Variants in RBMS3 observed in about 807,000 individuals in gnomAD.
The protein encoded by RBMS3 is RNA-binding motif, single-stranded-interacting protein 3.
In RBMS3, 27 loss-of-function variants were observed where a neutral mutation model predicts 66.8. That is an observed-to-expected ratio of 0.40 (90% CI 0.30 to 0.56). RBMS3 has a LOEUF of 0.56. Ranked by LOEUF, RBMS3 falls within the 20% of genes least tolerant of loss-of-function variation. RBMS3 has a pLI of 0.40. For missense variants in RBMS3, 513 were observed against 549.5 expected (o/e 0.93, Z 0.66); for synonymous variants, 188 against 183.0 (o/e 1.03, Z -0.22).
At chr3:29,784,898 G>C (rs2149416331) in intron 6 of RBMS3, among the ~76,000 whole-genome samples, 1 of 152,036 alleles carries the variant, frequency 6.6e-6, no homozygotes, top group South Asian at 2.1e-4. Context: ...AAGGCTACAG[G>C]AACACCTTTA....
At chr3:29,559,980 C>A (rs2149046532) in intron 3 of RBMS3, among the ~76,000 whole-genome samples, 1 of 152,224 alleles carries the variant, frequency 6.6e-6, no homozygotes, top group Non-Finnish European at 1.5e-5. Flanking sequence ...CTTATGTCAG[C>A]CAAGTGTTAG....
At chr3:29,423,555 T>C (rs929717212) in intron 1 of RBMS3, among the ~76,000 whole-genome samples, 2 of 152,204 alleles carry the variant, frequency 1.3e-5, no homozygotes, top group Non-Finnish European at 2.9e-5. Flanking sequence ...ATAGAAACTG[T>C]GACCATTATT....
intron 1 of RBMS3, among the ~76,000 whole-genome samples, chr3:29,334,271 G>A (rs6788268): frequency 0.97 from 148,028 of 152,300 alleles, 71,966 homozygotes; most frequent in African/African-American, 0.99. Flanking sequence ...ATATAACTTA[G>A]TCCTGTAAGT....
intron 5 of RBMS3, among the ~76,000 whole-genome samples, chr3:29,744,466 T>C (rs557091999): frequency 1.3e-5 from 2 of 152,046 alleles, no homozygotes; most frequent in South Asian, 4.2e-4. Context: ...CCTCTAGGAG[T>C]TTACAGTTCC....
intron 8 of RBMS3, among the ~76,000 whole-genome samples, chr3:29,884,423 T>TCC (rs1491241834): frequency 2.3e-4 from 6 of 26,034 alleles, no homozygotes; most frequent in African/African-American, 5.3e-4. Flanking sequence ...TAAACCCTGT[T>TCC]CTCTCTCTCT....
At chr3:29,923,495 GC>G (rs2060847993) in intron 10 of RBMS3, among the ~76,000 whole-genome samples, 1 of 152,084 alleles carries the variant, frequency 6.6e-6, no homozygotes, top group Non-Finnish European at 1.5e-5. Context: ...ATGAAATAAA[GC>G]AAAAGTATGT....
At chr3:29,378,440 G>A (rs7428067) in intron 1 of RBMS3, among the ~76,000 whole-genome samples, 1 of 150,672 alleles carries the variant, frequency 6.6e-6, no homozygotes, top group Non-Finnish European at 1.5e-5. Flanking sequence ...CCACGGCATT[G>A]CAGCCTGAGT....
intron 4 of RBMS3, among the ~76,000 whole-genome samples, chr3:29,663,621 G>GC (rs2050639687): frequency 6.6e-6 from 1 of 152,154 alleles, no homozygotes; most frequent in African/African-American, 2.4e-5. Context: ...AATTTGGGGA[G>GC]CTATAATTAT....
intron 11 of RBMS3, 142 bp downstream of exon 11, chr3:29,936,338 C>A: frequency 2.6e-6 from 2 of 779,434 alleles, no homozygotes; most frequent in Admixed American, 2.2e-5. Flanking sequence ...TATGAATAAG[C>A]TGCATTCTGC....
intron 3 of RBMS3, among the ~76,000 whole-genome samples, chr3:29,540,977 C>T (rs1026584438): frequency 3.3e-5 from 5 of 152,122 alleles, no homozygotes; most frequent in East Asian, 1.9e-4. Flanking sequence ...TGCAAATACC[C>T]GCAGCTAATC....
chr3:29,361,876 C>T (rs970929945), intron 1 of RBMS3, among the ~76,000 whole-genome samples: 5 of 152,160 alleles, frequency 3.3e-5, no homozygotes, highest in African/African-American at 9.7e-5. Flanking sequence ...ACTTAGTTCT[C>T]GTGCCATGGT....
rs796375974 is a variant in RBMS3 at position 29,377,308 on chromosome 3, G to A, written c.76-57435G>A. ...AGATGTGCTGGGCGTGAACATGAGCGTGAACAGAGGAAAAGTGTCTGATTT... is the reference window on the plus strand; with the variant it reads ...AGATGTGCTGGGCGTGAACATGAGCATGAACAGAGGAAAAGTGTCTGATTT... On this transcript the variant is annotated intron_variant, in intron 1 of 14. Transcript: ENST00000383767. Among the ~76,000 whole-genome samples the A allele has an allele frequency of 1.4e-4, 22 of 152,240 alleles. 1 individual carries two copies. Among genetic ancestry groups the A allele is most frequent in the South Asian group, 6.2e-4 (3 of 4,818 alleles).
At chr3:29,482,513 A>G (rs1486631561) in intron 2 of RBMS3, among the ~76,000 whole-genome samples, 1 of 152,062 alleles carries the variant, frequency 6.6e-6, no homozygotes, top group Non-Finnish European at 1.5e-5. Context: ...AGTTATTTCA[A>G]GTGGCAGAAG....
chr3:29,361,055 T>C (rs1221647234), intron 1 of RBMS3, among the ~76,000 whole-genome samples: 3 of 152,036 alleles, frequency 2.0e-5, no homozygotes, highest in Admixed American at 1.3e-4. Flanking sequence ...CCATTTAAGG[T>C]TAATATTGTT....
chr3:29,916,729 TG>T (rs2060647133), intron 10 of RBMS3, among the ~76,000 whole-genome samples: 1 of 152,004 alleles, frequency 6.6e-6, no homozygotes, highest in Admixed American at 6.6e-5. Context: ...ACATGTGGAT[TG>T]TATTTCCAGA....
At chr3:29,770,998 C>T (rs2056176359) in intron 6 of RBMS3, among the ~76,000 whole-genome samples, 1 of 151,992 alleles carries the variant, frequency 6.6e-6, no homozygotes, top group Non-Finnish European at 1.5e-5. Flanking sequence ...ACATACACCT[C>T]ATCATTTATG....
chr3:29,502,145 G>A (rs769377569), intron 3 of RBMS3, among the ~76,000 whole-genome samples: 1 of 151,936 alleles, frequency 6.6e-6, no homozygotes. Context: ...AAACCAGCCC[G>A]CTTCACTCAT....
chr3:29,823,321 A>G (rs943657073), intron 6 of RBMS3, among the ~76,000 whole-genome samples: 6 of 152,158 alleles, frequency 3.9e-5, no homozygotes, highest in Non-Finnish European at 2.9e-5. Context: ...TATAATTTGG[A>G]AAATTCTGTA....
At chr3:29,667,440 ACT>A (rs1330508154) in intron 4 of RBMS3, among the ~76,000 whole-genome samples, 1 of 152,010 alleles carries the variant, frequency 6.6e-6, no homozygotes, top group Non-Finnish European at 1.5e-5. Context: ...ATTAATCAAA[ACT>A]CTGAGAGTGG....
Sources: allele counts gnomAD v4.1 joint callset (sites outside exome capture counted in the v4.1 genomes callset), GRCh38; gene constraint gnomAD v4.1.1; transcripts MANE v1.5; gene names NCBI Gene and HGNC (gene_info 2026-07-23, HGNC 2026-07-21).